The following IDH3B variants were observed in gnomAD, a reference collection of about 807,000 sequenced individuals.
The protein encoded by IDH3B is isocitrate dehydrogenase [NAD] subunit beta, mitochondrial.
In IDH3B, 40 loss-of-function variants were observed where a neutral mutation model predicts 47.5. The observed-to-expected ratio is 0.84, with a 90% CI of 0.65 to 1.10. The LOEUF is 1.10. IDH3B is among the 50% of genes least tolerant of loss of function. The pLI, the probability that IDH3B is intolerant of heterozygous loss-of-function variation, is 0.00. For missense variants in IDH3B, 450 were observed against 505.2 expected, an observed-to-expected ratio of 0.89 and a Z score of 1.05; for synonymous variants, 185 against 191.0, an observed-to-expected ratio of 0.97 and a Z score of 0.26.
Position 2,658,537 on chromosome 20 carries a change from C to G in IDH3B, c.*214G>C, listed in dbSNP as rs200435714. 34 of 1,612,580 alleles carry G rather than the reference C, an allele frequency of 2.1e-5. No homozygotes were observed. The highest frequency in any genetic ancestry group is 2.9e-5 in the Non-Finnish European group (34 of 1,179,216). Reference sequence around the variant, plus strand: ...GAGGTTCGAACCTGTGGGGGAGAATCATCATCATCCATGTGGCCTGGGCTC... The same window carrying G: ...GAGGTTCGAACCTGTGGGGGAGAATGATCATCATCCATGTGGCCTGGGCTC... On this transcript the variant is annotated 3_prime_UTR_variant, in exon 12 of 12. Transcript: ENST00000380843.
In IDH3B at chr20:2,658,840, A is replaced by G. The variant is rs546807429; in HGVS notation, c.1072-3T>C. The G allele has an allele frequency of 6.2e-7, 1 of 1,614,148 alleles. No individual in the cohort carries two copies. Among genetic ancestry groups the G allele is most frequent in the South Asian group, 1.1e-5 (1 of 91,082 alleles). ...CCGCCCATGTCTCGAGTCCGCACCT[A>G]CAGCCACCACCGGCAACAGCCGTGG... On this transcript the variant is annotated splice_polypyrimidine_tract_variant and splice_region_variant and intron_variant, in intron 11 of 11. Coordinates refer to ENST00000380843, the MANE Select transcript of IDH3B (RefSeq NM_006899.5).
Position 2,658,693 on chromosome 20 carries a change from A to G in IDH3B, c.*58T>C, listed in dbSNP as rs1366961773. The stretch of plus-strand genomic sequence containing the variant: ...AGGCACAAGGTCTCTTCCCTGGTAC[A>G]CTGCACTGAAGGGTATGGGGAGTGT... On this transcript the variant is annotated 3_prime_UTR_variant, in exon 12 of 12. Transcript: ENST00000380843. The G allele has an allele frequency of 1.2e-6, 2 of 1,614,052 alleles. No homozygotes were observed. Among genetic ancestry groups the G allele is most frequent in the Admixed American group, 3.3e-5 (2 of 60,004 alleles).
At chr20:2,659,233 G>A (rs1374464317) in intron 11 of IDH3B, 2 of 1,442,122 alleles carry the variant, frequency 1.4e-6, no homozygotes, top group East Asian at 5.0e-5. Context: ...CACCCCCAAG[G>A]AGAGCTGCAA....
At position 2,663,956 on chromosome 20, in the gene IDH3B, G is replaced by T; in HGVS notation, c.86C>A (p.Ser29Ter). Residue 29 changes from serine to a stop codon, truncating the protein, a stop_gained, in exon 2 of 12, where the codon TCG becomes TAG. Transcript: ENST00000380843. LOFTEE classifies it high-confidence loss of function. The stretch of plus-strand genomic sequence containing the variant: ...CCGCGATGCAGCGTGCGCCGCGGCC[G>T]AGGTACTCAGACCTCTCCATGCCCC... The part of the protein sequence containing the change: ...NPGAWRGLST[S>*]AAAHAASRSQ... 1 of 1,614,118 alleles carries T rather than the reference G, an allele frequency of 6.2e-7. No individual in the cohort carries two copies. Among genetic ancestry groups the T allele is most frequent in the Non-Finnish European group, 8.5e-7 (1 of 1,180,024 alleles).
chr20:2,660,052 G>C lies in IDH3B; in HGVS notation c.893C>G (p.Ala298Gly). The C allele has an allele frequency of 6.2e-7, 1 of 1,614,102 alleles. No homozygotes were observed. The highest frequency in any genetic ancestry group is 1.1e-5 in the South Asian group (1 of 91,080). ...AGVVPGESYS[A>G]EYAVFETGAR... ...CACCGTCTCAAAGACTGCGTATTCT[G>C]CACTATAGCTCTCACCAGGGACCAC... is the stretch of plus-strand genomic sequence containing the variant. The change falls in exon 9 of 12, where the codon GCA becomes GGA. Residue 298 changes from alanine (A) to glycine (G), a missense_variant. Physicochemically the swap from Ala to Gly is moderately conservative, Grantham distance 60. Coordinates refer to ENST00000380843, the MANE Select transcript of IDH3B (RefSeq NM_006899.5). This position sits in a 1 kb window ranked among gnomAD's most constrained non-coding sequence, Gnocchi z 5.6.
Position 2,660,696 on chromosome 20 carries a change from C to T in IDH3B, c.531+1G>A, listed in dbSNP as rs2086929805. ...CCCTCCCCCAGTTTCTGGGGCCTCACCTCATGTTCCAGAGAGCTGTACTCC... is the reference window on the plus strand; with the variant it reads ...CCCTCCCCCAGTTTCTGGGGCCTCATCTCATGTTCCAGAGAGCTGTACTCC... On this transcript the variant is annotated splice_donor_variant, in intron 6 of 11. Transcript: ENST00000380843. LOFTEE classifies it high-confidence loss of function. This position sits in a 1 kb window ranked among gnomAD's most constrained non-coding sequence, Gnocchi z 5.6. The T allele has an allele frequency of 1.2e-6, 2 of 1,614,120 alleles. No individual in the cohort carries two copies. The highest frequency in any genetic ancestry group is 2.7e-5 in the African/African-American group (2 of 74,942).
Position 2,659,746 on chromosome 20 carries a change from A to G in IDH3B, c.963T>C (p.Asn321=), listed in dbSNP as rs767733927. 2.5e-6 allele frequency: 4 copies of G among 1,614,122 alleles called. No homozygotes were observed. The highest frequency in any genetic ancestry group is 3.4e-6 in the Non-Finnish European group (4 of 1,180,026). The part of the protein sequence containing the change: ...FAQAVGRNIA[N]PTAMLLSASN... ...AAGCCGACAGCAGCATGGCCGTGGG[A>G]TTGGCTATATTCCTGCCCACTGCCT... is the stretch of plus-strand genomic sequence containing the variant. The change falls in exon 10 of 12, where the codon AAT becomes AAC. Residue 321 remains asparagine (N), a synonymous_variant. Coordinates refer to ENST00000380843, the MANE Select transcript of IDH3B (RefSeq NM_006899.5).
In IDH3B at chr20:2,658,695, T is replaced by G. The variant is rs2086868780; in HGVS notation, c.*56A>C. On this transcript the variant is annotated 3_prime_UTR_variant, in exon 12 of 12. Coordinates refer to ENST00000380843, the MANE Select transcript of IDH3B (RefSeq NM_006899.5). ...GCACAAGGTCTCTTCCCTGGTACAC[T>G]GCACTGAAGGGTATGGGGAGTGTGG... 12 of 1,614,034 alleles carry G rather than the reference T, an allele frequency of 7.4e-6. No individual in the cohort carries two copies. The highest frequency in any genetic ancestry group is 4.2e-6 in the Non-Finnish European group (5 of 1,180,018).
chr20:2,660,838 G>A lies in IDH3B; in HGVS notation c.399-9C>T, dbSNP rs1568549189. The A allele has an allele frequency of 3.1e-6, 5 of 1,614,068 alleles. No individual in the cohort carries two copies. Among genetic ancestry groups the A allele is most frequent in the East Asian group, 4.5e-5 (2 of 44,884 alleles). On this transcript the variant is annotated splice_polypyrimidine_tract_variant and intron_variant, in intron 5 of 11. Transcript: ENST00000380843. This position sits in a 1 kb window ranked among gnomAD's most constrained non-coding sequence, Gnocchi z 5.6. ...ATAAGTCCAACTTACGCCTGAGGGTGGGCAGGGCCATCAGCTCTGCTCCTG... is the reference window on the plus strand; with the variant it reads ...ATAAGTCCAACTTACGCCTGAGGGTAGGCAGGGCCATCAGCTCTGCTCCTG...
chr20:2,660,022 A>G lies in IDH3B; in HGVS notation c.915+8T>C. 1.2e-6 allele frequency: 2 copies of G among 1,614,070 alleles called. No individual in the cohort carries two copies. On this transcript the variant is annotated splice_region_variant and intron_variant, in intron 9 of 11. Coordinates refer to ENST00000380843, the MANE Select transcript of IDH3B (RefSeq NM_006899.5). This position sits in a 1 kb window ranked among gnomAD's most constrained non-coding sequence, Gnocchi z 5.6. The stretch of plus-strand genomic sequence containing the variant: ...CAGAGGAAGGGCCGAGGGAGAAAGC[A>G]GCCTCACCGTCTCAAAGACTGCGTA...
rs951416395 is a variant in IDH3B, at chr20:2,664,174, G to A, written c.15C>T (p.Ser5=). 2 of 1,613,484 alleles carry A rather than the reference G, an allele frequency of 1.2e-6. No individual in the cohort carries two copies. The highest frequency in any genetic ancestry group is 1.1e-5 in the South Asian group (1 of 90,928). Residue 5 remains serine, a synonymous_variant, in exon 1 of 12, where the codon AGC becomes AGT. Coordinates refer to ENST00000380843, the MANE Select transcript of IDH3B (RefSeq NM_006899.5). MAAL[S]GVRWLTRALV... ...TCACTCGGGTCAGCCAGCGGACTCC[G>A]CTCAATGCCGCCATGTTTCCCGCAG...
intron 11 of IDH3B, 111 bp downstream of exon 11, chr20:2,659,414 G>T: frequency 6.5e-7 from 1 of 1,536,486 alleles, no homozygotes; most frequent in South Asian, 1.1e-5. Flanking sequence ...GATGTTCTGG[G>T]GACCTGGGGG....
chr20:2,658,921 G>A (rs1324280903), intron 11 of IDH3B, 84 bp from the exon 12 acceptor site: 2 of 1,595,000 alleles, frequency 1.3e-6, no homozygotes, highest in African/African-American at 1.3e-5. Context: ...TGAGGAAATG[G>A]AAGCCAAGAA....
At chr20:2,659,400 A>C in intron 11 of IDH3B, 125 bp downstream of exon 11, 1 of 1,552,790 alleles carries the variant, frequency 6.4e-7, no homozygotes, top group Non-Finnish European at 8.9e-7. Context: ...GATGTCAGGG[A>C]GCAGATGTTC....
At chr20:2,662,936 G>A (rs575061371) in intron 4 of IDH3B, among the ~76,000 whole-genome samples, 2 of 152,226 alleles carry the variant, frequency 1.3e-5, no homozygotes, top group African/African-American at 2.4e-5. Flanking sequence ...CAGCCTGGGC[G>A]ACAGAGCGAG....
chr20:2,662,768 CA>C (rs757822811), intron 4 of IDH3B, among the ~76,000 whole-genome samples: 3 of 152,070 alleles, frequency 2.0e-5, no homozygotes, highest in African/African-American at 4.8e-5. Context: ...GCCTGACCAA[CA>C]TGGTGAAACC....
At chr20:2,663,598 C>G (rs777051219) in intron 3 of IDH3B, 32 bp from the exon 4 acceptor site, 1 of 1,614,160 alleles carries the variant, frequency 6.2e-7, no homozygotes, top group African/African-American at 1.3e-5. Flanking sequence ...ACATCACAGT[C>G]AAGGCCAAGT....
chr20:2,659,445 G>T (rs1389044198), intron 11 of IDH3B, 80 bp downstream of exon 11: 1 of 1,549,040 alleles, frequency 6.5e-7, no homozygotes, highest in Non-Finnish European at 8.9e-7. Flanking sequence ...CCCCATTCAG[G>T]TTCCCCAGAG....
Position 2,660,055 on chromosome 20 carries a change from C to T in IDH3B, c.890G>A (p.Ser297Asn). The T allele has an allele frequency of 6.2e-7, 1 of 1,614,136 alleles. No homozygotes were observed. The highest frequency in any genetic ancestry group is 1.3e-5 in the African/African-American group (1 of 75,020). Residue 297 changes from serine (S) to asparagine (N), a missense_variant, in exon 9 of 12, where the codon AGT becomes AAT. Transcript: ENST00000380843. This position sits in a 1 kb window ranked among gnomAD's most constrained non-coding sequence, Gnocchi z 5.6. ...GAGVVPGESY[S>N]AEYAVFETGA... is the part of the protein sequence containing the mutation. The stretch of plus-strand genomic sequence containing the variant: ...CGTCTCAAAGACTGCGTATTCTGCA[C>T]TATAGCTCTCACCAGGGACCACACC...
Sources: gnomAD v4.1 joint callset for allele counts (sites outside exome capture counted in the v4.1 genomes callset) on GRCh38, gnomAD v4.1.1 for gene constraint, Gnocchi (gnomAD v3.1) non-coding constraint, MANE v1.5 for transcripts, NCBI Gene and HGNC (gene_info 2026-07-23, HGNC 2026-07-21) for gene names.